Variants in ELMOD3 observed in about 807,000 individuals in gnomAD.
ELMOD3 encodes the protein ELMO domain containing 3, also known as ELMO domain-containing protein 3.
Under a neutral mutation model 47.4 loss-of-function variants are expected in ELMOD3, and 36 were observed. The observed-to-expected ratio is 0.76, with a 90% CI of 0.58 to 1.00. The LOEUF (loss-of-function observed/expected upper bound fraction) is 1.00, where lower values mean the gene tolerates loss of function less well. Among genes scored for constraint, ELMOD3 ranks in the 50% least tolerant of loss-of-function variants. The pLI, the probability that ELMOD3 is intolerant of heterozygous loss-of-function variation, is 0.00. For missense variants in ELMOD3, 404 were observed against 463.8 expected (o/e 0.87, Z 1.18); for synonymous variants, 149 against 183.5 (o/e 0.81, Z 1.52).
chr2:85,384,457 A>G (rs1685792074), intron 11 of ELMOD3, among the ~76,000 whole-genome samples: 2 of 152,160 alleles, frequency 1.3e-5, no homozygotes. Flanking sequence ...ATGGACCTCC[A>G]TGGGTTATGT....
At chr2:85,364,915 C>T (rs1335321523) in intron 6 of ELMOD3, among the ~76,000 whole-genome samples, 2 of 143,110 alleles carry the variant, frequency 1.4e-5, no homozygotes, top group East Asian at 2.0e-4. Flanking sequence ...GTAGCTCACT[C>T]CAGCCTTGAA....
At chr2:85,369,023 A>G (rs2104569443) in intron 7 of ELMOD3, among the ~76,000 whole-genome samples, 1 of 152,310 alleles carries the variant, frequency 6.6e-6, no homozygotes, top group South Asian at 2.1e-4. Flanking sequence ...GACAGGGTTG[A>G]CCTTGGTTAG....
chr2:85,363,707 G>C (rs906220535), intron 6 of ELMOD3, among the ~76,000 whole-genome samples: 9 of 152,236 alleles, frequency 5.9e-5, no homozygotes, highest in African/African-American at 2.2e-4. Context: ...AAACATGGTG[G>C]AAGGCAAGGA....
At position 85,377,390 on chromosome 2, in the gene ELMOD3, CCTGCAT is replaced by C. The variant is rs754516215; in HGVS notation, c.659_664del (p.His220_Leu221del). ...TGAGAGGCGCAGGCTTCCTTGCCCT[CCTGCAT>C]CTGCTCTACCTGGTGATGGACTCAA... On this transcript the variant is annotated inframe_deletion, in exon 11 of 14. Transcript: ENST00000409013. 9 of 1,610,694 alleles carry C rather than the reference CCTGCAT, an allele frequency of 5.6e-6. No individual in the cohort carries two copies. The African/African-American group carries it at 9.4e-5, about 17-fold the overall frequency.
intron 8 of ELMOD3, among the ~76,000 whole-genome samples, chr2:85,370,815 A>G (rs904560166): frequency 2.8e-4 from 43 of 152,316 alleles, no homozygotes; most frequent in African/African-American, 9.9e-4. Flanking sequence ...AGTTCTGGAA[A>G]AGCCCAGAGG....
chr2:85,360,259 T>G (rs1573083066), intron 4 of ELMOD3, among the ~76,000 whole-genome samples: 2 of 79,014 alleles, frequency 2.5e-5, no homozygotes, highest in South Asian at 9.3e-4. Context: ...AGAGCAAAAC[T>G]CCATCTCAAA....
chr2:85,371,276 C>T, intron 9 of ELMOD3, 67 bp downstream of exon 9: 1 of 1,612,592 alleles, frequency 6.2e-7, no homozygotes. Flanking sequence ...TGTGTGCTGA[C>T]CCTGTGAGGC....
At chr2:85,369,915 G>T in intron 8 of ELMOD3, 85 bp downstream of exon 8, 1 of 1,519,084 alleles carries the variant, frequency 6.6e-7, no homozygotes, top group South Asian at 1.2e-5. Context: ...ACAGGGCATT[G>T]GGCAAGCAAA....
intron 10 of ELMOD3, among the ~76,000 whole-genome samples, chr2:85,373,917 C>T (rs1389506338): frequency 1.4e-5 from 2 of 141,840 alleles, no homozygotes; most frequent in Non-Finnish European, 3.1e-5. Context: ...CTTCCTAACC[C>T]TCTTTTTTTT....
chr2:85,368,797 A>C (rs1355794850), intron 7 of ELMOD3, 43 bp downstream of exon 7: 1 of 1,603,026 alleles, frequency 6.2e-7, no homozygotes, highest in African/African-American at 1.3e-5. Flanking sequence ...CCCCTCTGCC[A>C]GCAAAGGCAC....
At chr2:85,368,593 T>C in intron 6 of ELMOD3, 93 bp from the exon 7 acceptor site, 1 of 1,225,694 alleles carries the variant, frequency 8.2e-7, no homozygotes, top group Non-Finnish European at 1.2e-6. Context: ...AAAAAAAAAA[T>C]AGGCCCAAGG....
rs1014343870 is a variant in ELMOD3 at position 85,391,123 on chromosome 2, G to A, written c.*161G>A. The stretch of plus-strand genomic sequence containing the variant: ...CTGTGGGAAGCCAAGTACCCTCACC[G>A]GCATGGGACATGAGGGGCAGCTAGA... On this transcript the variant is annotated 3_prime_UTR_variant, in exon 14 of 14. Transcript: ENST00000409013. The A allele has an allele frequency of 2.2e-5, 15 of 676,776 alleles. No homozygotes were observed. The highest frequency in any genetic ancestry group is 8.9e-5 in the Admixed American group (3 of 33,812). 41.9% of individuals were successfully genotyped at this position (676,776 alleles called of 1,614,324 possible).
chr2:85,362,321 G>A, intron 5 of ELMOD3, 61 bp downstream of exon 5: 1 of 1,042,572 alleles, frequency 9.6e-7, no homozygotes, highest in Non-Finnish European at 1.5e-6. Flanking sequence ...TTACTGTGTG[G>A]TGCCAGAACT....
chr2:85,378,118 T>C (rs1178590445), intron 11 of ELMOD3, among the ~76,000 whole-genome samples: 1 of 152,228 alleles, frequency 6.6e-6, no homozygotes, highest in Non-Finnish European at 1.5e-5. Context: ...TTAGGCTAAA[T>C]TGTGGGAGCT....
At chr2:85,387,933 TCA>T (rs1444287639) in intron 11 of ELMOD3, among the ~76,000 whole-genome samples, 1 of 152,262 alleles carries the variant, frequency 6.6e-6, no homozygotes, top group Middle Eastern at 3.4e-3. Flanking sequence ...CCCAGTGGAA[TCA>T]CACAGAACAC....
At chr2:85,388,915 A>C (rs968354436) in intron 11 of ELMOD3, among the ~76,000 whole-genome samples, 1 of 152,252 alleles carries the variant, frequency 6.6e-6, no homozygotes, top group African/African-American at 2.4e-5. Context: ...TTCTGTACTA[A>C]GGAATGCACT....
Position 85,391,012 on chromosome 2 carries a change from G to A in ELMOD3, c.*50G>A, listed in dbSNP as rs561773626. On this transcript the variant is annotated 3_prime_UTR_variant, in exon 14 of 14. Coordinates refer to ENST00000409013, the MANE Select transcript of ELMOD3 (RefSeq NM_001135022.2). ...AGGCTGAGCTGCAGGGGCTTTCAGG[G>A]GGTCAGTGGAGCCATGTCAGGAGCC... 1.9e-4 allele frequency: 286 copies of A among 1,513,090 alleles called. 1 individual carries two copies. In the African/African-American group the frequency reaches 2.7e-3, roughly 14 times the overall value. 93.7% of individuals were successfully genotyped at this position (1,513,090 alleles called of 1,614,324 possible).
intron 13 of ELMOD3, 55 bp from the exon 14 acceptor site, chr2:85,390,705 T>C (rs1686287383): frequency 1.2e-5 from 19 of 1,540,488 alleles, no homozygotes; most frequent in African/African-American, 2.8e-5. Flanking sequence ...GCCTTGACTG[T>C]TGTGTCACCC....
intron 7 of ELMOD3, 125 bp from the exon 8 acceptor site, chr2:85,369,614 T>A: frequency 1.1e-6 from 1 of 942,082 alleles, no homozygotes; most frequent in South Asian, 1.6e-5. Flanking sequence ...GTTGTAGCTG[T>A]AAGTGTCTGA....
Sources: gnomAD v4.1 joint callset for allele counts (sites outside exome capture counted in the v4.1 genomes callset) on GRCh38, gnomAD v4.1.1 for gene constraint, MANE v1.5 for transcripts, NCBI Gene and HGNC (gene_info 2026-07-23, HGNC 2026-07-21) for gene names.